Variants in SUPT3H observed in about 807,000 individuals in gnomAD.
The protein encoded by SUPT3H is transcription initiation protein SPT3 homolog.
In SUPT3H, 44 loss-of-function variants were observed where a neutral mutation model predicts 44.3. The ratio of observed to expected loss-of-function variants is 0.99; its 90% CI spans 0.78 to 1.28. The LOEUF (loss-of-function observed/expected upper bound fraction) is 1.28. Among genes scored for constraint, SUPT3H ranks in the 50% most tolerant of loss-of-function variants. SUPT3H has a pLI of 0.00. For missense variants in SUPT3H, 380 were observed against 387.1 expected, an observed-to-expected ratio of 0.98 and a Z score of 0.15; for synonymous variants, 124 against 125.6, an observed-to-expected ratio of 0.99 and a Z score of 0.09.
intron 9 of SUPT3H, among the ~76,000 whole-genome samples, chr6:44,946,946 C>CAA (rs1773445554): frequency 1.3e-5 from 2 of 152,250 alleles, no homozygotes; most frequent in East Asian, 3.9e-4. Context: ...CACTGTTGTC[C>CAA]TATCTTAAGA....
chr6:45,328,270 A>G (rs903545200), intron 2 of SUPT3H: 18 of 1,356,464 alleles, frequency 1.3e-5, no homozygotes, highest in Non-Finnish European at 1.7e-5. Flanking sequence ...CTCCAGTAAT[A>G]GTGCTTGCAA....
At position 44,852,331 on chromosome 6, in the gene SUPT3H, A is replaced by G. The variant is rs139348137; in HGVS notation, c.913-22474T>C. ...TTATGCTTGGCTGAGGCATGCTCAG[A>G]CCTTGCTCAGCTTCATTTACTACAC... On this transcript the variant is annotated intron_variant, in intron 10 of 10. Coordinates refer to ENST00000371459, the MANE Select transcript of SUPT3H (RefSeq NM_003599.4). 2.6e-3 allele frequency among the ~76,000 whole-genome samples: 389 copies of G among 152,232 alleles called. 2 individuals carry two copies. The highest frequency in any genetic ancestry group is 8.5e-3 in the African/African-American group (355 of 41,548).
intron 6 of SUPT3H, among the ~76,000 whole-genome samples, chr6:44,970,014 G>A (rs1397169557): frequency 2.6e-5 from 4 of 152,086 alleles, no homozygotes; most frequent in African/African-American, 9.7e-5. Context: ...CACACAAAAA[G>A]ATATTTGTGC....
chr6:45,357,045 C>G (rs111575422), intron 2 of SUPT3H, among the ~76,000 whole-genome samples: 2 of 151,990 alleles, frequency 1.3e-5, no homozygotes, highest in South Asian at 4.1e-4. Context: ...CTCACTCTGT[C>G]GCCCAGGCTG....
In SUPT3H at chr6:45,301,237, C is replaced by T. The variant is rs138832614; in HGVS notation, c.101+63964G>A. On this transcript the variant is annotated intron_variant, in intron 2 of 10. Transcript: ENST00000371459. ...GGGGTACTAACAGCATCTACTGCAACGAGAAAAAGGAAGCTTACAAAAACT... is the reference window on the plus strand; with the variant it reads ...GGGGTACTAACAGCATCTACTGCAATGAGAAAAAGGAAGCTTACAAAAACT... Among the ~76,000 whole-genome samples, 8 of 152,060 alleles carry T rather than the reference C, an allele frequency of 5.3e-5. No individual in the cohort carries two copies. The East Asian group carries it at 1.2e-3, about 22-fold the overall frequency.
intron 2 of SUPT3H, among the ~76,000 whole-genome samples, chr6:45,166,976 C>T (rs1809990936): frequency 6.6e-6 from 1 of 152,166 alleles, no homozygotes; most frequent in South Asian, 2.1e-4. Flanking sequence ...GTTTTTTAAA[C>T]AGTAAACATA....
chr6:45,028,643 G>A (rs1326039913), intron 3 of SUPT3H, among the ~76,000 whole-genome samples: 1 of 151,832 alleles, frequency 6.6e-6, no homozygotes. Flanking sequence ...ATTATCCTAT[G>A]CTTCATGTCT....
intron 3 of SUPT3H, among the ~76,000 whole-genome samples, chr6:45,042,719 C>A (rs935363131): frequency 3.5e-4 from 53 of 151,970 alleles, no homozygotes; most frequent in African/African-American, 1.3e-3. Flanking sequence ...ACTAGAAATA[C>A]CATTTGACCC....
chr6:45,262,044 A>G (rs1408173755), intron 2 of SUPT3H, among the ~76,000 whole-genome samples: 1 of 152,202 alleles, frequency 6.6e-6, no homozygotes, highest in African/African-American at 2.4e-5. Context: ...CTCTACAAGA[A>G]TTACAAAACA....
intron 2 of SUPT3H, among the ~76,000 whole-genome samples, chr6:45,204,035 G>A (rs1762818901): frequency 6.6e-6 from 1 of 152,046 alleles, no homozygotes; most frequent in Admixed American, 6.6e-5. Context: ...ATCACTTGAG[G>A]TTAGGAGTTC....
In SUPT3H at chr6:45,365,228, C is replaced by T. The variant is rs1172413217; in HGVS notation, c.74G>A (p.Ser25Asn). ...CATACTCTGTAATTCTGTTGCAAAGCTTATAGACTTCCCTGTACTCCTTCC... is the reference window on the plus strand; with the variant it reads ...CATACTCTGTAATTCTGTTGCAAAGTTTATAGACTTCCCTGTACTCCTTCC... ...SSGRSTGKSI[S>N]FATELQSMMY... The change falls in exon 2 of 11, where the codon AGC becomes AAC. Residue 25 changes from serine (S) to asparagine (N), a missense_variant. By Grantham distance (46) the Ser-to-Asn change is conservative. Coordinates refer to ENST00000371459, the MANE Select transcript of SUPT3H (RefSeq NM_003599.4). The T allele has an allele frequency of 6.2e-7, 1 of 1,611,648 alleles. No individual in the cohort carries two copies. Among genetic ancestry groups the T allele is most frequent in the Admixed American group, 1.7e-5 (1 of 59,902 alleles).
At chr6:45,143,620 T>A (rs988666881) in intron 2 of SUPT3H, among the ~76,000 whole-genome samples, 1 of 151,870 alleles carries the variant, frequency 6.6e-6, no homozygotes, top group African/African-American at 2.4e-5. Context: ...AAATAGACAA[T>A]CTAAGGTCAC....
intron 2 of SUPT3H, among the ~76,000 whole-genome samples, chr6:45,166,905 A>C (rs554492078): frequency 1.3e-5 from 2 of 152,200 alleles, no homozygotes; most frequent in South Asian, 4.2e-4. Flanking sequence ...AGTAACTAGA[A>C]CTCTCATGCA....
At chr6:45,281,688 C>T (rs1778115421) in intron 2 of SUPT3H, among the ~76,000 whole-genome samples, 1 of 152,178 alleles carries the variant, frequency 6.6e-6, no homozygotes, top group South Asian at 2.1e-4. Flanking sequence ...AAACAATAGG[C>T]AGCAGAAACC....
At chr6:45,255,536 C>T (rs747777976) in intron 2 of SUPT3H, among the ~76,000 whole-genome samples, 2 of 151,660 alleles carry the variant, frequency 1.3e-5, no homozygotes, top group Non-Finnish European at 2.9e-5. Context: ...CTCCTGCCAC[C>T]TCAGCTTCCC....
chr6:45,319,979 T>C (rs576041852), intron 2 of SUPT3H, among the ~76,000 whole-genome samples: 1 of 152,240 alleles, frequency 6.6e-6, no homozygotes, highest in African/African-American at 2.4e-5. Flanking sequence ...AATTTATAGA[T>C]GGACTCTAAT....
At chr6:44,958,525 C>A (rs1775541435) in intron 7 of SUPT3H, among the ~76,000 whole-genome samples, 1 of 152,104 alleles carries the variant, frequency 6.6e-6, no homozygotes, top group Non-Finnish European at 1.5e-5. Context: ...TATTCCTTTC[C>A]TTTATACATA....
At chr6:45,054,610 G>C (rs575801427) in intron 3 of SUPT3H, among the ~76,000 whole-genome samples, 1 of 152,066 alleles carries the variant, frequency 6.6e-6, no homozygotes, top group African/African-American at 2.4e-5. Context: ...TGCAATAAGT[G>C]AGGAAAAGAT....
At chr6:45,207,074 G>T (rs1489141586) in intron 2 of SUPT3H, among the ~76,000 whole-genome samples, 1 of 152,128 alleles carries the variant, frequency 6.6e-6, no homozygotes, top group Non-Finnish European at 1.5e-5. Flanking sequence ...AGAAACAAAG[G>T]CTGAAACCTA....
Sources: allele counts gnomAD v4.1 joint callset (sites outside exome capture counted in the v4.1 genomes callset), GRCh38; gene constraint gnomAD v4.1.1; transcripts MANE v1.5; gene names NCBI Gene and HGNC (gene_info 2026-07-23, HGNC 2026-07-21).